The following NLGN1 variants were observed in gnomAD, a reference collection of about 807,000 sequenced individuals.
NLGN1 encodes the protein neuroligin 1, also known as neuroligin-1.
In NLGN1, 12 loss-of-function variants were observed where a neutral mutation model predicts 65.5. The observed-to-expected ratio is 0.18, with a 90% CI of 0.12 to 0.30. NLGN1 has a LOEUF of 0.30. NLGN1 is among the 10% of genes least tolerant of loss of function. NLGN1 has a pLI of 1.00. For synonymous variants in NLGN1, 350 were observed against 359.5 expected, an observed-to-expected ratio of 0.97 and a Z score of 0.30; for missense variants, 750 against 1,007.1, an observed-to-expected ratio of 0.74 and a Z score of 3.46.
intron 2 of NLGN1, among the ~76,000 whole-genome samples, chr3:173,539,803 T>TGTACATATATACATATATAC (rs1560407851): frequency 1.9e-4 from 27 of 139,660 alleles, no homozygotes; most frequent in African/African-American, 6.6e-4. Context: ...TATACATATA[T>TGTACATATATACATATATAC]ATACATATAT....
intron 3 of NLGN1, among the ~76,000 whole-genome samples, chr3:173,640,532 C>G (rs949437674): frequency 6.6e-6 from 1 of 152,080 alleles, no homozygotes; most frequent in African/African-American, 2.4e-5. Flanking sequence ...ATGACTTTCA[C>G]CGTAAGGCTA....
At chr3:174,079,030 AT>A (rs941050451) in intron 4 of NLGN1, among the ~76,000 whole-genome samples, 2 of 151,934 alleles carry the variant, frequency 1.3e-5, no homozygotes, top group Non-Finnish European at 2.9e-5. Context: ...ATGTGGATAT[AT>A]TTTTCCCTTT....
chr3:173,402,736 T>C (rs755418875), intron 1 of NLGN1, among the ~76,000 whole-genome samples: 32 of 152,188 alleles, frequency 2.1e-4, no homozygotes, highest in Non-Finnish European at 5.9e-5. Flanking sequence ...TATCTCTTTA[T>C]CTAGAAGGAA....
intron 3 of NLGN1, among the ~76,000 whole-genome samples, chr3:173,729,592 T>C (rs116362052): frequency 0.011 from 1,717 of 152,254 alleles, 20 homozygotes; most frequent in Non-Finnish European, 0.017. Context: ...TCTTAATTTA[T>C]TATAATGCCT....
At position 173,929,215 on chromosome 3, in the gene NLGN1, C is replaced by T. The variant is rs544598454; in HGVS notation, c.646+121383C>T. 2.0e-5 allele frequency among the ~76,000 whole-genome samples: 3 copies of T among 152,240 alleles called. No individual in the cohort carries two copies. In the South Asian group the frequency reaches 6.2e-4, roughly 32 times the overall value. On this transcript the variant is annotated intron_variant, in intron 4 of 6. Coordinates refer to ENST00000457714, the Ensembl canonical transcript of NLGN1. ...CTGATTTGAAAGGAGCAAAGCGCTC[C>T]TTGCCTAATTCAATTGCTCAGGATG... is the stretch of plus-strand genomic sequence containing the variant.
At chr3:173,707,845 C>T (rs1485270451) in intron 3 of NLGN1, among the ~76,000 whole-genome samples, 2 of 152,134 alleles carry the variant, frequency 1.3e-5, no homozygotes, top group Admixed American at 1.3e-4. Flanking sequence ...GATATGGTAG[C>T]ACTCAAAAAT....
At chr3:173,533,320 A>C (rs1466210580) in intron 2 of NLGN1, among the ~76,000 whole-genome samples, 1 of 152,238 alleles carries the variant, frequency 6.6e-6, no homozygotes, top group Non-Finnish European at 1.5e-5. Context: ...AAGAATTTTT[A>C]ATTCTTCAGA....
chr3:174,143,832 T>C (rs937549449), intron 4 of NLGN1, among the ~76,000 whole-genome samples: 2 of 152,252 alleles, frequency 1.3e-5, no homozygotes, highest in African/African-American at 4.8e-5. Flanking sequence ...AGCTGAATAA[T>C]GCAATGTTGC....
intron 4 of NLGN1, among the ~76,000 whole-genome samples, chr3:173,940,565 C>G (rs985590460): frequency 2.6e-5 from 4 of 152,110 alleles, no homozygotes; most frequent in African/African-American, 9.7e-5. Context: ...GAAAAACTGT[C>G]CTGAACAAAT....
At chr3:173,943,235 A>AG (rs1001426320) in intron 4 of NLGN1, among the ~76,000 whole-genome samples, 7 of 151,894 alleles carry the variant, frequency 4.6e-5, no homozygotes, top group Admixed American at 3.3e-4. Context: ...AAAACAAAAA[A>AG]AAATAATGAA....
intron 1 of NLGN1, among the ~76,000 whole-genome samples, chr3:173,415,920 GA>G (rs1713658826): frequency 8.8e-6 from 1 of 113,516 alleles, no homozygotes; most frequent in African/African-American, 5.3e-5. Context: ...GAGAGAGAGG[GA>G]GAGAGAGAGA....
intron 4 of NLGN1, among the ~76,000 whole-genome samples, chr3:173,979,825 C>T (rs989215499): frequency 6.6e-6 from 1 of 151,972 alleles, no homozygotes; most frequent in Non-Finnish European, 1.5e-5. Context: ...GATTGTGAGC[C>T]CCTAGAGCAT....
chr3:174,267,330 A>T (rs1484241378), intron 4 of NLGN1, among the ~76,000 whole-genome samples: 1 of 152,176 alleles, frequency 6.6e-6, no homozygotes, highest in African/African-American at 2.4e-5. Flanking sequence ...GGAACAAGCC[A>T]TTCATGAAGG....
intron 4 of NLGN1, among the ~76,000 whole-genome samples, chr3:174,165,850 A>G (rs767297687): frequency 3.3e-5 from 5 of 151,856 alleles, no homozygotes; most frequent in Non-Finnish European, 7.4e-5. Context: ...CTTAGTTGGC[A>G]GGTTTTTATT....
intron 4 of NLGN1, among the ~76,000 whole-genome samples, chr3:173,855,791 G>A (rs532921180): frequency 4.6e-5 from 7 of 152,150 alleles, no homozygotes; most frequent in South Asian, 4.1e-4. Context: ...GAGGCAAGGC[G>A]ATATCACAAT....
At chr3:173,485,968 C>T (rs1353475178) in intron 2 of NLGN1, among the ~76,000 whole-genome samples, 1 of 152,004 alleles carries the variant, frequency 6.6e-6, no homozygotes, top group Non-Finnish European at 1.5e-5. Context: ...TTTTTAACCT[C>T]TCAGAAATCT....
chr3:174,064,417 A>G (rs1738059616), intron 4 of NLGN1, among the ~76,000 whole-genome samples: 2 of 152,012 alleles, frequency 1.3e-5, no homozygotes, highest in Admixed American at 1.3e-4. Context: ...TATAGTGATC[A>G]AGAGCAGGAA....
chr3:173,397,530 C>T (rs752979546), upstream of NLGN1, among the ~76,000 whole-genome samples: 2 of 151,798 alleles, frequency 1.3e-5, no homozygotes, highest in African/African-American at 4.9e-5. Flanking sequence ...CGTTCTCTCC[C>T]CCACTCCACT....
chr3:174,263,734 A>C (rs949547598), intron 4 of NLGN1, among the ~76,000 whole-genome samples: 7 of 151,702 alleles, frequency 4.6e-5, no homozygotes, highest in African/African-American at 1.7e-4. Flanking sequence ...TTATGATGTT[A>C]GCTGGTGATT....
Sources: allele counts gnomAD v4.1 joint callset (sites outside exome capture counted in the v4.1 genomes callset), GRCh38; gene constraint gnomAD v4.1.1; transcripts MANE v1.5; gene names NCBI Gene and HGNC (gene_info 2026-07-23, HGNC 2026-07-21).